Variants in MTMR6 observed in about 807,000 individuals in gnomAD.
MTMR6 encodes the protein phosphatidylinositol-3,5-bisphosphate 3-phosphatase MTMR6.
In MTMR6, 47 loss-of-function variants were observed where a neutral mutation model predicts 80.1. The observed-to-expected ratio is 0.59, with a 90% CI of 0.46 to 0.75. The LOEUF (loss-of-function observed/expected upper bound fraction) is 0.75, where lower values mean the gene tolerates loss of function less well. Ranked by LOEUF, MTMR6 falls within the 30% of genes least tolerant of loss-of-function variation. MTMR6 has a pLI of 0.00. For synonymous variants in MTMR6, 254 were observed against 253.0 expected (o/e 1.00, Z -0.04); for missense variants, 629 against 730.9 (o/e 0.86, Z 1.61).
In MTMR6 at chr13:25,287,395, C is replaced by T. The variant is rs1299189668; in HGVS notation, c.-148G>A. 5.2e-5 allele frequency: 55 copies of T among 1,061,660 alleles called. No homozygotes were observed. Among genetic ancestry groups the T allele is most frequent in the Non-Finnish European group, 2.8e-6 (2 of 721,070 alleles). The allele number at this position is 1,061,660 out of a possible 1,614,324, so 65.8% of individuals were successfully genotyped here. A position where few individuals can be genotyped will look rare whatever the true frequency, so the allele number is the denominator to read the frequency against. On this transcript the variant is annotated 5_prime_UTR_variant, in exon 1 of 14. Transcript: ENST00000381801. Reference sequence around the variant, plus strand: ...CTGCCGGCCCCGGTGGCGTCAACGGCGCAGGTGCAGCCGGTGAGCGCCGTC... The same window carrying T: ...CTGCCGGCCCCGGTGGCGTCAACGGTGCAGGTGCAGCCGGTGAGCGCCGTC...
chr13:25,249,498 A>C lies in MTMR6; in HGVS notation c.1606-6T>G. ...TTTTTGCGTTGTTTAATTTTCTAGA[A>C]CAAACACAAATTTGAAAAAATTACT... On this transcript the variant is annotated splice_region_variant and splice_polypyrimidine_tract_variant and intron_variant, in intron 13 of 13. Transcript: ENST00000381801. The C allele has an allele frequency of 6.2e-7, 1 of 1,606,346 alleles. No homozygotes were observed. The highest frequency in any genetic ancestry group is 1.1e-5 in the South Asian group (1 of 90,414).
At chr13:25,271,511 C>T (rs1431865236) in intron 2 of MTMR6, among the ~76,000 whole-genome samples, 1 of 152,190 alleles carries the variant, frequency 6.6e-6, no homozygotes, top group Non-Finnish European at 1.5e-5. Flanking sequence ...CTTGCCTGAG[C>T]TTCAGCTTCT....
In MTMR6 at chr13:25,266,239, C is replaced by A. The variant is rs758220750; in HGVS notation, c.352G>T (p.Asp118Tyr). The change falls in exon 4 of 14, where the codon GAT (aspartate) becomes TAT (tyrosine). Residue 118 changes from aspartate (D) to tyrosine (Y), a missense_variant. Asp to Tyr is a radical substitution (Grantham distance 160). Transcript: ENST00000381801. ...YAFSYNPKQN[D>Y]SERLQGWQLI... ...TGCCAGCCTTGTAGTCGTTCTGAAT[C>A]ATTTTGTTTGGGATTATAAGAAAAT... 1.5e-5 allele frequency: 25 copies of A among 1,613,716 alleles called. No individual in the cohort carries two copies. Among genetic ancestry groups the A allele is most frequent in the Non-Finnish European group, 1.8e-5 (21 of 1,179,628 alleles).
chr13:25,255,591 T>C (rs1285918863), intron 9 of MTMR6, among the ~76,000 whole-genome samples: 1 of 152,158 alleles, frequency 6.6e-6, no homozygotes, highest in African/African-American at 2.4e-5. Context: ...TGGCGCAATC[T>C]TGGCTCACTG....
rs890912317 is a variant in MTMR6 at position 25,249,085 on chromosome 13, G to C, written c.*147C>G. ...TAAAATGACTTATTTCTCTCACAAG[G>C]GTAGTTATTATCCTTCCTTCAACTA... On this transcript the variant is annotated 3_prime_UTR_variant, in exon 14 of 14. Coordinates refer to ENST00000381801, the MANE Select transcript of MTMR6 (RefSeq NM_004685.5). 4 of 729,662 alleles carry C rather than the reference G, an allele frequency of 5.5e-6. No homozygotes were observed. The Admixed American group carries it at 9.2e-5, about 17-fold the overall frequency. 45.2% of individuals were successfully genotyped at this position (729,662 alleles called of 1,614,324 possible).
intron 11 of MTMR6, among the ~76,000 whole-genome samples, chr13:25,253,202 T>A (rs1210159326): frequency 6.6e-6 from 1 of 152,136 alleles, no homozygotes; most frequent in African/African-American, 2.4e-5. Flanking sequence ...GAGACCCTAC[T>A]CAAGGACGGA....
intron 2 of MTMR6, among the ~76,000 whole-genome samples, chr13:25,269,640 T>C (rs2137582822): frequency 6.6e-6 from 1 of 152,128 alleles, no homozygotes. Context: ...GGGATGATTA[T>C]TTATATAATA....
At chr13:25,286,354 AGAGGCT>A (rs1481116723) in intron 1 of MTMR6, among the ~76,000 whole-genome samples, 2 of 152,218 alleles carry the variant, frequency 1.3e-5, no homozygotes, top group African/African-American at 4.8e-5. Flanking sequence ...CAAAACGTCA[AGAGGCT>A]GCCTTGCAGT....
At chr13:25,263,119 A>T (rs1025552183) in intron 5 of MTMR6, among the ~76,000 whole-genome samples, 9 of 152,228 alleles carry the variant, frequency 5.9e-5, no homozygotes, top group African/African-American at 1.7e-4. Flanking sequence ...AGACATAGAG[A>T]TGTCAATAAA....
In MTMR6 at chr13:25,286,468, G is replaced by T. The variant is rs530909993; in HGVS notation, c.24+756C>A. Among the ~76,000 whole-genome samples the T allele has an allele frequency of 3.9e-5, 6 of 152,242 alleles. No homozygotes were observed. The South Asian group carries it at 1.2e-3, about 32-fold the overall frequency. ...TAAATGTCGTTGGAAACGTAATTTG[G>T]TAACATTCTGATGTCATTTCCTTCC... is the stretch of plus-strand genomic sequence containing the variant. On this transcript the variant is annotated intron_variant, in intron 1 of 13. Transcript: ENST00000381801.
intron 1 of MTMR6, among the ~76,000 whole-genome samples, chr13:25,280,639 A>C (rs190513000): frequency 1.3e-5 from 2 of 152,354 alleles, no homozygotes; most frequent in East Asian, 3.9e-4. Flanking sequence ...TGTTCTTGGA[A>C]ATGTATTAAG....
At chr13:25,270,943 C>T (rs555810502) in intron 2 of MTMR6, among the ~76,000 whole-genome samples, 7 of 152,218 alleles carry the variant, frequency 4.6e-5, no homozygotes, top group East Asian at 1.9e-4. Flanking sequence ...CTATGATTTA[C>T]GCCACTACTA....
intron 1 of MTMR6, among the ~76,000 whole-genome samples, chr13:25,287,002 G>C (rs1957966211): frequency 6.6e-6 from 1 of 152,168 alleles, no homozygotes; most frequent in African/African-American, 2.4e-5. Context: ...GATGCTGAAA[G>C]TGGGACCCCT....
At chr13:25,269,251 T>C (rs1346291230) in intron 2 of MTMR6, among the ~76,000 whole-genome samples, 1 of 152,190 alleles carries the variant, frequency 6.6e-6, no homozygotes, top group Non-Finnish European at 1.5e-5. Flanking sequence ...GCAAATGTTA[T>C]ATATCACACA....
At chr13:25,259,137 C>T (rs1350406544) in intron 6 of MTMR6, among the ~76,000 whole-genome samples, 1 of 152,064 alleles carries the variant, frequency 6.6e-6, no homozygotes, top group East Asian at 1.9e-4. Flanking sequence ...CCATAGGGAC[C>T]TGAAAATCAG....
chr13:25,265,798 A>T (rs759026791), intron 5 of MTMR6, 21 bp downstream of exon 5: 1 of 1,597,986 alleles, frequency 6.3e-7, no homozygotes, highest in Admixed American at 1.7e-5. Flanking sequence ...TATTTCTAAA[A>T]TCAAAAGAAA....
chr13:25,260,629 A>C (rs1268621036), intron 6 of MTMR6: 1 of 1,288,360 alleles, frequency 7.8e-7, no homozygotes, highest in Non-Finnish European at 1.0e-6. Flanking sequence ...TTTTGAAGAA[A>C]TCCTCACTAT....
chr13:25,252,363 C>T (rs1368633569), intron 11 of MTMR6, among the ~76,000 whole-genome samples: 3 of 152,202 alleles, frequency 2.0e-5, no homozygotes, highest in African/African-American at 7.2e-5. Context: ...TCTCTTAACC[C>T]CACGTCTGGG....
At chr13:25,252,741 GT>G (rs34259536) in intron 11 of MTMR6, among the ~76,000 whole-genome samples, 103,324 of 152,038 alleles carry the variant, frequency 0.68, 38,477 homozygotes, top group Non-Finnish European at 0.84. Context: ...CAGGAAAAGA[GT>G]TACCTCTGTG....
Sources: gnomAD v4.1 joint callset for allele counts (sites outside exome capture counted in the v4.1 genomes callset) on GRCh38, gnomAD v4.1.1 for gene constraint, MANE v1.5 for transcripts, NCBI Gene and HGNC (gene_info 2026-07-23, HGNC 2026-07-21) for gene names.